The following ANGPT1 variants were observed in gnomAD, a reference collection of about 807,000 sequenced individuals.
ANGPT1 encodes the protein angiopoietin 1, also known as angiopoietin-1.
Under a neutral mutation model 62.2 loss-of-function variants are expected in ANGPT1, and 17 were observed. The ratio of observed to expected loss-of-function variants is 0.27; its 90% CI spans 0.19 to 0.41. The LOEUF is 0.41. ANGPT1 is among the 10% of genes least tolerant of loss of function. The probability of loss-of-function intolerance (pLI) is 1.00; values close to 1 mark genes in which losing one functional copy is unlikely to be tolerated. For synonymous variants in ANGPT1, 199 were observed against 198.9 expected (o/e 1.00, Z 0.00); for missense variants, 478 against 594.9 (o/e 0.80, Z 2.04).
rs369968305 is a variant in ANGPT1 at position 107,429,371 on chromosome 8, T to C, written c.297+67891A>G. ...CCACTTAACAGTTCAGTTAACAAATTTGGACAAAAAGCAACTGAAAACTTC... is the reference window on the plus strand; with the variant it reads ...CCACTTAACAGTTCAGTTAACAAATCTGGACAAAAAGCAACTGAAAACTTC... On this transcript the variant is annotated intron_variant, in intron 1 of 8. Transcript: ENST00000517746. Among the ~76,000 whole-genome samples the C allele has an allele frequency of 1.1e-3, 168 of 152,180 alleles. 1 individual carries two copies. Among genetic ancestry groups the C allele is most frequent in the South Asian group, 5.0e-3 (24 of 4,814 alleles).
At chr8:107,340,660 A>ATTTT in intron 2 of ANGPT1, among the ~76,000 whole-genome samples, 1 of 142,760 alleles carries the variant, frequency 7.0e-6, no homozygotes. Context: ...AATTGTTTGT[A>ATTTT]TTTTTTTTTT....
At chr8:107,358,741 A>G (rs1020410526) in intron 1 of ANGPT1, among the ~76,000 whole-genome samples, 3 of 152,214 alleles carry the variant, frequency 2.0e-5, no homozygotes, top group African/African-American at 4.8e-5. Context: ...GATACTTTAT[A>G]TATTCATTAA....
At chr8:107,422,237 A>G (rs569546800) in intron 1 of ANGPT1, among the ~76,000 whole-genome samples, 1 of 152,304 alleles carries the variant, frequency 6.6e-6, no homozygotes, top group South Asian at 2.1e-4. Flanking sequence ...GTTACATGGC[A>G]AGCAATCTGA....
At chr8:107,344,144 C>A (rs1261812685) in intron 2 of ANGPT1, among the ~76,000 whole-genome samples, 2 of 151,956 alleles carry the variant, frequency 1.3e-5, no homozygotes, top group Non-Finnish European at 2.9e-5. Flanking sequence ...TATTAAATAG[C>A]CAATATATGT....
chr8:107,428,891 A>G (rs1811106947), intron 1 of ANGPT1, among the ~76,000 whole-genome samples: 1 of 152,232 alleles, frequency 6.6e-6, no homozygotes, highest in South Asian at 2.1e-4. Context: ...ACCCTCAGGT[A>G]AAATGAAAGA....
At chr8:107,266,346 C>G (rs1025876538) in intron 7 of ANGPT1, among the ~76,000 whole-genome samples, 1 of 152,098 alleles carries the variant, frequency 6.6e-6, no homozygotes, top group Non-Finnish European at 1.5e-5. Context: ...CACACATTGG[C>G]AAAACTAACA....
At chr8:107,471,309 A>C (rs1489992143) in intron 1 of ANGPT1, among the ~76,000 whole-genome samples, 1 of 152,068 alleles carries the variant, frequency 6.6e-6, no homozygotes, top group Non-Finnish European at 1.5e-5. Context: ...CAGAAGCAGA[A>C]AACCAAACAG....
chr8:107,295,807 G>A (rs1814399335), intron 5 of ANGPT1, among the ~76,000 whole-genome samples: 1 of 152,030 alleles, frequency 6.6e-6, no homozygotes, highest in Non-Finnish European at 1.5e-5. Context: ...ATGGATAAGA[G>A]CATAAGGAAG....
At chr8:107,307,565 C>T (rs1237891615) in intron 4 of ANGPT1, among the ~76,000 whole-genome samples, 1 of 151,862 alleles carries the variant, frequency 6.6e-6, no homozygotes, top group Admixed American at 6.6e-5. Context: ...TTGTCTTTGC[C>T]TATCTTTCCC....
At chr8:107,369,612 T>G (rs575504028) in intron 1 of ANGPT1, among the ~76,000 whole-genome samples, 1 of 152,160 alleles carries the variant, frequency 6.6e-6, no homozygotes, top group Admixed American at 6.5e-5. Flanking sequence ...ATGCTAGAGA[T>G]GTACAATTCT....
intron 7 of ANGPT1, among the ~76,000 whole-genome samples, chr8:107,276,072 T>G (rs1813858127): frequency 6.6e-6 from 1 of 152,164 alleles, no homozygotes; most frequent in African/African-American, 2.4e-5. Context: ...TGTAAGAATG[T>G]GCTCATCCGT....
intron 1 of ANGPT1, among the ~76,000 whole-genome samples, chr8:107,381,361 A>G (rs1196609086): frequency 5.9e-5 from 9 of 152,304 alleles, no homozygotes; most frequent in Non-Finnish European, 8.8e-5. Context: ...TTGAATAGTG[A>G]CAGGCAGCTA....
At chr8:107,456,789 A>C (rs994882214) in intron 1 of ANGPT1, among the ~76,000 whole-genome samples, 2 of 152,124 alleles carry the variant, frequency 1.3e-5, no homozygotes, top group African/African-American at 4.8e-5. Context: ...CAAATGTATA[A>C]AATGAAATGT....
At chr8:107,433,568 A>G (rs1290287872) in intron 1 of ANGPT1, among the ~76,000 whole-genome samples, 2 of 152,222 alleles carry the variant, frequency 1.3e-5, no homozygotes, top group African/African-American at 2.4e-5. Flanking sequence ...TTCCTCATCT[A>G]GAAAATTACT....
intron 1 of ANGPT1, among the ~76,000 whole-genome samples, chr8:107,388,254 A>G (rs1440925673): frequency 6.6e-6 from 1 of 151,940 alleles, no homozygotes; most frequent in African/African-American, 2.4e-5. Context: ...CTCTACAAAA[A>G]CTTAAAAAGA....
intron 4 of ANGPT1, among the ~76,000 whole-genome samples, chr8:107,315,025 G>C (rs1814981396): frequency 6.6e-6 from 1 of 152,120 alleles, no homozygotes; most frequent in Non-Finnish European, 1.5e-5. Context: ...GAATTATTCT[G>C]AGAATCAAGC....
At chr8:107,360,373 G>T (rs143017035) in intron 1 of ANGPT1, among the ~76,000 whole-genome samples, 3 of 152,260 alleles carry the variant, frequency 2.0e-5, no homozygotes, top group Non-Finnish European at 4.4e-5. Context: ...GTGATGAGAA[G>T]TTCAGTAACA....
intron 1 of ANGPT1, among the ~76,000 whole-genome samples, chr8:107,427,745 C>T (rs764732527): frequency 4.6e-5 from 7 of 152,336 alleles, no homozygotes; most frequent in East Asian, 1.9e-4. Flanking sequence ...GTATAGTCCC[C>T]AGGTAAGACC....
intron 6 of ANGPT1, 131 bp downstream of exon 6, chr8:107,293,802 AAAT>A: frequency 1.6e-6 from 1 of 633,330 alleles, no homozygotes; most frequent in Non-Finnish European, 2.7e-6. Flanking sequence ...TGTCTAATGA[AAAT>A]AATACTAATG....
Sources: allele counts gnomAD v4.1 joint callset (sites outside exome capture counted in the v4.1 genomes callset), GRCh38; gene constraint gnomAD v4.1.1; transcripts MANE v1.5; gene names NCBI Gene and HGNC (gene_info 2026-07-23, HGNC 2026-07-21).